Variants in PUM1 observed in about 807,000 individuals in gnomAD.
PUM1 encodes the protein pumilio RNA binding family member 1, also known as pumilio homolog 1.
A neutral mutation model predicts 131.8 loss-of-function variants in PUM1; 13 were observed. That is an observed-to-expected ratio of 0.10 (90% CI 0.06 to 0.16). PUM1 has a LOEUF of 0.16. Ranked by LOEUF, PUM1 falls within the 10% of genes least tolerant of loss-of-function variation. The probability of loss-of-function intolerance (pLI) is 1.00; values close to 1 mark genes in which losing one functional copy is unlikely to be tolerated. For synonymous variants in PUM1, 509 were observed against 556.5 expected, an observed-to-expected ratio of 0.91 and a Z score of 1.20; for missense variants, 961 against 1,512.4, an observed-to-expected ratio of 0.64 and a Z score of 6.05.
At chr1:31,015,966 C>A (rs1417532416) in intron 3 of PUM1, among the ~76,000 whole-genome samples, 1 of 152,182 alleles carries the variant, frequency 6.6e-6, no homozygotes, top group African/African-American at 2.4e-5. Context: ...AGCCACTGCG[C>A]CTGGCCACTT....
At chr1:30,967,358 T>C (rs764288873) in intron 11 of PUM1, 48 bp from the exon 12 acceptor site, 1 of 1,562,832 alleles carries the variant, frequency 6.4e-7, no homozygotes, top group South Asian at 1.1e-5. Context: ...AACAAACAAG[T>C]ATCTCCTGGG....
At chr1:31,038,985 T>TATATATATATATATA (rs879343889) in intron 2 of PUM1, among the ~76,000 whole-genome samples, 187 of 32,914 alleles carry the variant, frequency 5.7e-3, no homozygotes, top group Non-Finnish European at 6.6e-3. Flanking sequence ...TATATATATA[T>TATATATATATATATA]TTTTTTTTTT....
At chr1:31,009,941 G>A (rs748054872) in intron 3 of PUM1, among the ~76,000 whole-genome samples, 100 of 152,216 alleles carry the variant, frequency 6.6e-4, no homozygotes, top group Non-Finnish European at 1.0e-3. Context: ...CTGGGATCCT[G>A]TCACCTTTCA....
chr1:30,969,268 C>T (rs1035220317), intron 10 of PUM1, among the ~76,000 whole-genome samples: 7 of 145,852 alleles, frequency 4.8e-5, no homozygotes, highest in East Asian at 2.0e-4. Flanking sequence ...CGAGACACTT[C>T]GCTCCAGCCT....
intron 2 of PUM1, among the ~76,000 whole-genome samples, chr1:31,049,340 AC>A (rs1644050665): frequency 6.6e-6 from 1 of 152,144 alleles, no homozygotes; most frequent in South Asian, 2.1e-4. Context: ...ACATGGTGAA[AC>A]CCTGTCTCTA....
chr1:30,998,068 C>T (rs369045454), intron 5 of PUM1, among the ~76,000 whole-genome samples: 1 of 152,140 alleles, frequency 6.6e-6, no homozygotes, highest in African/African-American at 2.4e-5. Context: ...TGGGCTCCTT[C>T]TTTTAGAGAG....
At chr1:30,986,916 T>C (rs1641584807) in intron 7 of PUM1, among the ~76,000 whole-genome samples, 1 of 152,210 alleles carries the variant, frequency 6.6e-6, no homozygotes, top group Non-Finnish European at 1.5e-5. Flanking sequence ...TGCCACACTT[T>C]TAACACATGC....
chr1:30,983,049 A>G (rs1169320015), intron 7 of PUM1, among the ~76,000 whole-genome samples: 1 of 152,240 alleles, frequency 6.6e-6, no homozygotes, highest in African/African-American at 2.4e-5. Context: ...AACTGAATCT[A>G]CTGACAGACA....
intron 1 of PUM1, among the ~76,000 whole-genome samples, chr1:31,063,192 G>T (rs747067180): frequency 3.3e-5 from 5 of 152,078 alleles, no homozygotes; most frequent in African/African-American, 4.8e-5. Context: ...TCTAGAGCAG[G>T]CCAAGAGTTC....
Position 31,065,653 on chromosome 1 carries a change from CG to C in PUM1, c.-50del. The C allele has an allele frequency of 6.5e-7, 1 of 1,549,698 alleles. No homozygotes were observed. The highest frequency in any genetic ancestry group is 8.7e-7 in the Non-Finnish European group (1 of 1,146,858). ...AGGATGAAGATGGATTTCAGCCCCC[CG>C]ATCTTCTCTCTCTGGCGCTCTCGCT... On this transcript the variant is annotated 5_prime_UTR_variant, in exon 1 of 22. It adds an upstream start codon to the 5' untranslated region. Transcript: ENST00000426105.
At chr1:31,021,673 A>G (rs1466287830) in intron 3 of PUM1, among the ~76,000 whole-genome samples, 2 of 152,192 alleles carry the variant, frequency 1.3e-5, no homozygotes, top group Non-Finnish European at 2.9e-5. Context: ...TCTGGGTATC[A>G]TCTGGGGCTT....
At position 30,969,719 on chromosome 1, in the gene PUM1, T is replaced by A. The variant is rs532060635; in HGVS notation, c.1507-1227A>T. 1.6e-3 allele frequency among the ~76,000 whole-genome samples: 239 copies of A among 152,112 alleles called. 2 individuals carry two copies. The highest frequency in any genetic ancestry group is 4.1e-3 in the Admixed American group (63 of 15,274). ...ATGCTCTGCTGCTCAGGCTGGAGTG[T>A]AGTGTGGCACAGTCTCAGCTCACTG... On this transcript the variant is annotated intron_variant, in intron 10 of 21. Coordinates refer to ENST00000426105, the MANE Select transcript of PUM1 (RefSeq NM_001020658.2).
intron 14 of PUM1, among the ~76,000 whole-genome samples, chr1:30,959,763 C>A (rs771027769): frequency 6.6e-6 from 1 of 151,734 alleles, no homozygotes; most frequent in Non-Finnish European, 1.5e-5. Context: ...AAAAATTAGC[C>A]GGGCGTGGTG....
Position 30,981,292 on chromosome 1 carries a change from C to CTA in PUM1, c.1252+18_1252+19dup. On this transcript the variant is annotated intron_variant, in intron 8 of 21. Coordinates refer to ENST00000426105, the MANE Select transcript of PUM1 (RefSeq NM_001020658.2). ...GGCGGCCACACCTATCATGAAAGAGCTATGGGCTTAAGGACTTACCGATGT... is the reference window on the plus strand; with the variant it reads ...GGCGGCCACACCTATCATGAAAGAGCTATATGGGCTTAAGGACTTACCGATGT... 6.7e-7 allele frequency: 1 copy of CTA among 1,497,850 alleles called. No individual in the cohort carries two copies. Among genetic ancestry groups the CTA allele is most frequent in the South Asian group, 1.2e-5 (1 of 81,090 alleles). 92.8% of individuals were successfully genotyped at this position (1,497,850 alleles called of 1,614,324 possible).
intron 2 of PUM1, among the ~76,000 whole-genome samples, chr1:31,052,983 C>T (rs549493756): frequency 6.6e-6 from 1 of 151,290 alleles, no homozygotes; most frequent in African/African-American, 2.4e-5. Context: ...GGATTACAGG[C>T]ATAAGCCACC....
intron 5 of PUM1, among the ~76,000 whole-genome samples, chr1:31,003,583 C>T (rs564809672): frequency 9.9e-5 from 15 of 152,016 alleles, no homozygotes; most frequent in African/African-American, 1.7e-4. Context: ...ATGGGGAAAC[C>T]GGATCTCTAC....
chr1:30,997,391 G>A (rs746959794), intron 5 of PUM1, among the ~76,000 whole-genome samples: 2 of 151,918 alleles, frequency 1.3e-5, no homozygotes, highest in African/African-American at 2.4e-5. Context: ...CCAGCTACTC[G>A]GGAGGCTGAG....
chr1:31,038,984 A>ATATATATATATATATTTTTTTT, intron 2 of PUM1, among the ~76,000 whole-genome samples: 4 of 49,414 alleles, frequency 8.1e-5, no homozygotes, highest in African/African-American at 2.1e-4. Flanking sequence ...ATATATATAT[A>ATATATATATATATATTTTTTTT]TTTTTTTTTT....
intron 10 of PUM1, among the ~76,000 whole-genome samples, chr1:30,974,421 A>G (rs1282174769): frequency 1.3e-5 from 2 of 152,206 alleles, no homozygotes; most frequent in African/African-American, 4.8e-5. Flanking sequence ...CAATTTCCCT[A>G]TAGGTGAACT....
Sources: gnomAD v4.1 joint callset for allele counts (sites outside exome capture counted in the v4.1 genomes callset) on GRCh38, gnomAD v4.1.1 for gene constraint, MANE v1.5 for transcripts, NCBI Gene and HGNC (gene_info 2026-07-23, HGNC 2026-07-21) for gene names.